BMP6: variants seen among roughly 807,000 people sequenced by gnomAD.
BMP6 encodes the protein bone morphogenetic protein 6.
A neutral mutation model predicts 54.1 loss-of-function variants in BMP6; 17 were observed. The observed-to-expected ratio is 0.31, with a 90% CI of 0.22 to 0.47. BMP6 has a LOEUF of 0.47. Ranked by LOEUF, BMP6 falls within the 20% of genes least tolerant of loss-of-function variation. BMP6 has a pLI of 1.00. For synonymous variants in BMP6, 328 were observed against 291.2 expected (o/e 1.13, Z -1.28); for missense variants, 720 against 690.4 (o/e 1.04, Z -0.48).
rs1761720457 is a variant in BMP6 at position 7,726,320 on chromosome 6, G to A, written c.-636G>A. ...CGGCGCGCGGAGATTTTGAGTGGGA[G>A]CGACGGTGCCCGAGAGCTCAGGGGC... On this transcript the variant is annotated 5_prime_UTR_variant, in exon 1 of 7. Coordinates refer to ENST00000283147, the MANE Select transcript of BMP6 (RefSeq NM_001718.6). 6.6e-6 allele frequency among the ~76,000 whole-genome samples: 1 copy of A among 152,212 alleles called. No individual in the cohort carries two copies. Among genetic ancestry groups the A allele is most frequent in the Non-Finnish European group, 1.5e-5 (1 of 68,036 alleles).
At chr6:7,840,983 A>C (rs1758959785) in intron 1 of BMP6, among the ~76,000 whole-genome samples, 1 of 152,182 alleles carries the variant, frequency 6.6e-6, no homozygotes, top group Admixed American at 6.5e-5. Flanking sequence ...AATAAATTTG[A>C]ATTACTCAGC....
intron 2 of BMP6, among the ~76,000 whole-genome samples, chr6:7,857,033 C>T (rs1759252437): frequency 6.6e-6 from 1 of 152,178 alleles, no homozygotes; most frequent in South Asian, 2.1e-4. Flanking sequence ...ACCTCCTGCC[C>T]TTGTCCGAGG....
intron 1 of BMP6, among the ~76,000 whole-genome samples, chr6:7,778,954 A>G (rs916759935): frequency 6.6e-6 from 1 of 152,232 alleles, no homozygotes; most frequent in Non-Finnish European, 1.5e-5. Context: ...CACTGAGGAC[A>G]GGTGCTGTGC....
intron 1 of BMP6, among the ~76,000 whole-genome samples, chr6:7,800,942 C>T (rs541977180): frequency 2.0e-5 from 3 of 151,610 alleles, no homozygotes; most frequent in East Asian, 1.9e-4. Flanking sequence ...GACCTTGGCT[C>T]CAGTCAGTCA....
At chr6:7,760,181 T>C (rs1433992976) in intron 1 of BMP6, among the ~76,000 whole-genome samples, 2 of 150,892 alleles carry the variant, frequency 1.3e-5, no homozygotes, top group Non-Finnish European at 3.0e-5. Flanking sequence ...CCCACCCCAG[T>C]CTCCCAAATT....
intron 4 of BMP6, among the ~76,000 whole-genome samples, chr6:7,868,887 TCTCTCC>T (rs913059379): frequency 6.6e-6 from 1 of 151,886 alleles, no homozygotes; most frequent in South Asian, 2.1e-4. Context: ...CCTCCCCACC[TCTCTCC>T]CTCTCCCTCC....
intron 2 of BMP6, among the ~76,000 whole-genome samples, chr6:7,845,643 T>C (rs1561790122): frequency 6.6e-6 from 1 of 152,232 alleles, no homozygotes; most frequent in Non-Finnish European, 1.5e-5. Flanking sequence ...TCATTTTGAA[T>C]GATAGGTGAG....
At chr6:7,758,976 C>G (rs1757566960) in intron 1 of BMP6, among the ~76,000 whole-genome samples, 1 of 152,156 alleles carries the variant, frequency 6.6e-6, no homozygotes, top group Non-Finnish European at 1.5e-5. Flanking sequence ...CCCACTAGAC[C>G]AAGAGCTCCT....
At chr6:7,866,721 TG>T (rs1759429557) in intron 4 of BMP6, among the ~76,000 whole-genome samples, 1 of 152,214 alleles carries the variant, frequency 6.6e-6, no homozygotes, top group African/African-American at 2.4e-5. Flanking sequence ...TAATGATCCA[TG>T]TGAAATTGGA....
At position 7,772,072 on chromosome 6, in the gene BMP6, C is replaced by CA. The variant is rs911048497; in HGVS notation, c.664+44462dup. 5.6e-3 allele frequency among the ~76,000 whole-genome samples: 834 copies of CA among 148,186 alleles called. 4 individuals carry two copies. The highest frequency in any genetic ancestry group is 0.019 in the African/African-American group (754 of 40,398). On this transcript the variant is annotated intron_variant, in intron 1 of 6. Transcript: ENST00000283147. ...GCCTCAAAAAAAAAAACCAAAAAAACAAAAAAAAACAAACCCAAAAAAACC... is the reference window on the plus strand; with the variant it reads ...GCCTCAAAAAAAAAAACCAAAAAAACAAAAAAAAAACAAACCCAAAAAAACC...
chr6:7,847,656 T>A (rs1490724700), intron 2 of BMP6, among the ~76,000 whole-genome samples: 1 of 152,154 alleles, frequency 6.6e-6, no homozygotes, highest in Non-Finnish European at 1.5e-5. Flanking sequence ...AAATGCTGAG[T>A]CACACACTCA....
At chr6:7,813,108 AATATATATAT>A (rs1182296124) in intron 1 of BMP6, among the ~76,000 whole-genome samples, 306 of 21,426 alleles carry the variant, frequency 0.014, 7 homozygotes, top group Non-Finnish European at 0.019. Context: ...AAAAAAAAAA[AATATATATAT>A]ATATATATAT....
At chr6:7,808,773 G>T (rs561307101) in intron 1 of BMP6, among the ~76,000 whole-genome samples, 1 of 151,920 alleles carries the variant, frequency 6.6e-6, no homozygotes. Context: ...AAATTAGCCA[G>T]TGTGGTGGCA....
chr6:7,812,500 A>G (rs1450558656), intron 1 of BMP6, among the ~76,000 whole-genome samples: 1 of 152,200 alleles, frequency 6.6e-6, no homozygotes, highest in Non-Finnish European at 1.5e-5. Flanking sequence ...ATGTAGATAC[A>G]TTTCTTACAC....
intron 1 of BMP6, among the ~76,000 whole-genome samples, chr6:7,842,523 G>A (rs935338880): frequency 6.6e-6 from 1 of 152,148 alleles, no homozygotes; most frequent in African/African-American, 2.4e-5. Flanking sequence ...CCTCAGACAA[G>A]CATTCCAAGA....
chr6:7,802,549 C>G (rs1219613302), intron 1 of BMP6, among the ~76,000 whole-genome samples: 4 of 152,198 alleles, frequency 2.6e-5, no homozygotes, highest in Non-Finnish European at 5.9e-5. Flanking sequence ...CAGCATGACA[C>G]TAGATTTGTG....
At chr6:7,826,886 C>T (rs1040001546) in intron 1 of BMP6, among the ~76,000 whole-genome samples, 2 of 152,158 alleles carry the variant, frequency 1.3e-5, no homozygotes, top group Non-Finnish European at 2.9e-5. Context: ...GGGAGGTGCT[C>T]TTTGGCATCT....
chr6:7,739,106 T>A (rs1295654663), intron 1 of BMP6, among the ~76,000 whole-genome samples: 1 of 152,144 alleles, frequency 6.6e-6, no homozygotes, highest in East Asian at 1.9e-4. Context: ...TTTTGGGAAA[T>A]AATAATAAAA....
At chr6:7,802,322 G>C (rs1376013784) in intron 1 of BMP6, among the ~76,000 whole-genome samples, 1 of 152,130 alleles carries the variant, frequency 6.6e-6, no homozygotes, top group Admixed American at 6.5e-5. Flanking sequence ...GTTAATTGAG[G>C]ACCTCTGTTC....
Sources: allele counts gnomAD v4.1 joint callset (sites outside exome capture counted in the v4.1 genomes callset), GRCh38; gene constraint gnomAD v4.1.1; transcripts MANE v1.5; gene names NCBI Gene and HGNC (gene_info 2026-07-23, HGNC 2026-07-21).